The following UNC45A variants were observed in gnomAD, a reference collection of about 807,000 sequenced individuals.
UNC45A encodes the protein protein unc-45 homolog A.
UNC45A carries 78 observed loss-of-function variants against 103.2 expected under a neutral mutation model. The observed-to-expected ratio is 0.76, with a 90% CI of 0.63 to 0.91. The LOEUF (loss-of-function observed/expected upper bound fraction) is 0.91, where lower values mean the gene tolerates loss of function less well. UNC45A is among the 40% of genes least tolerant of loss of function. The pLI is 0.00. For synonymous variants in UNC45A, 495 were observed against 504.6 expected (o/e 0.98, Z 0.25); for missense variants, 1,193 against 1,224.8 (o/e 0.97, Z 0.39).
At chr15:90,932,778 A>C, upstream of UNC45A, 1 of 388,818 alleles carries the variant, frequency 2.6e-6, no homozygotes, top group Non-Finnish European at 4.5e-6. Flanking sequence ...CAAGAAGAAC[A>C]TAAGCCTGGC....
At chr15:90,934,802 A>G (rs947731176), upstream of UNC45A, 3 of 402,976 alleles carry the variant, frequency 7.4e-6, no homozygotes, top group African/African-American at 2.1e-5. Flanking sequence ...TTCGTATGCA[A>G]ATGTGTGTAT....
At chr15:90,931,437 T>G, upstream of UNC45A, 1 of 1,611,012 alleles carries the variant, frequency 6.2e-7, no homozygotes, top group Non-Finnish European at 8.5e-7. Context: ...CTTGCTAGCG[T>G]GATGTCAAGG....
intron 8 of UNC45A, 156 bp downstream of exon 8, chr15:90,943,238 G>T: frequency 1.1e-6 from 1 of 937,884 alleles, no homozygotes; most frequent in Non-Finnish European, 1.5e-6. Flanking sequence ...ATCAGCCTGG[G>T]CAACATAGCG....
Position 90,948,177 on chromosome 15 carries a change from G to C in UNC45A, c.1631G>C (p.Arg544Pro). 1 of 1,614,146 alleles carries C rather than the reference G, an allele frequency of 6.2e-7. No individual in the cohort carries two copies. Among genetic ancestry groups the C allele is most frequent in the Non-Finnish European group, 8.5e-7 (1 of 1,180,044 alleles). Residue 544 changes from arginine (R) to proline (P), a missense_variant, in exon 12 of 20, where the codon CGG becomes CCG. By Grantham distance (103) the Arg-to-Pro change is moderately radical. Coordinates refer to ENST00000418476, the MANE Select transcript of UNC45A (RefSeq NM_018671.5). ...AATGACCAGATCGACGCAGGCACTC[G>C]GCGCTGGGCAGTGGAGGGCCTGGCT... The part of the protein sequence containing the change: ...LCNDQIDAGT[R>P]RWAVEGLAYL...
At chr15:90,948,384 A>G (rs2036693711) in intron 12 of UNC45A, 101 bp downstream of exon 12, 3 of 1,533,760 alleles carry the variant, frequency 2.0e-6, no homozygotes, top group African/African-American at 1.4e-5. Flanking sequence ...TTTTGACCCC[A>G]GGGAAGAGGG....
At chr15:90,943,315 G>C (rs1027831511) in intron 8 of UNC45A, among the ~76,000 whole-genome samples, 1 of 151,322 alleles carries the variant, frequency 6.6e-6, no homozygotes, top group Non-Finnish European at 1.5e-5. Context: ...GGCAGTCCTA[G>C]CTACTCCAGA....
intron 10 of UNC45A, 173 bp downstream of exon 10, chr15:90,947,087 G>A (rs2036614652): frequency 1.4e-5 from 10 of 720,236 alleles, no homozygotes; most frequent in Non-Finnish European, 1.1e-5. Flanking sequence ...TACTTGGGAG[G>A]CTGAGGCAGG....
chr15:90,944,453 C>T (rs143783154), intron 8 of UNC45A, among the ~76,000 whole-genome samples: 56 of 152,012 alleles, frequency 3.7e-4, no homozygotes, highest in Middle Eastern at 3.4e-3. Flanking sequence ...TCACAATGGT[C>T]CTATGAGGTG....
In UNC45A at chr15:90,953,959, C is replaced by G; in HGVS notation, c.*243C>G. ...CCTTTTTCTGTACTACTGTAGTCAG[C>G]TGGGAATGGGGAAGGTGCATCCCAA... is the stretch of plus-strand genomic sequence containing the variant. On this transcript the variant is annotated 3_prime_UTR_variant, in exon 20 of 20. Coordinates refer to ENST00000418476, the MANE Select transcript of UNC45A (RefSeq NM_018671.5). The G allele has an allele frequency of 1.8e-6, 1 of 567,290 alleles. No homozygotes were observed. Among genetic ancestry groups the G allele is most frequent in the Non-Finnish European group, 3.1e-6 (1 of 321,478 alleles). The allele number at this position is 567,290 out of a possible 1,614,324, so 35.1% of individuals were successfully genotyped here.
In UNC45A at chr15:90,940,338, G is replaced by T; in HGVS notation, c.552G>T (p.Glu184Asp). 1 of 1,614,090 alleles carries T rather than the reference G, an allele frequency of 6.2e-7. No homozygotes were observed. The highest frequency in any genetic ancestry group is 8.5e-7 in the Non-Finnish European group (1 of 1,179,974). ...AGAACCTGGTGGTGCTGGCCAGGGA[G>T]GATGCTGGAGCGGAGAAGATCTTCC... is the stretch of plus-strand genomic sequence containing the variant. ...ASQNLVVLAR[E>D]DAGAEKIFRS... Residue 184 changes from glutamate (E) to aspartate (D), a missense_variant, in exon 6 of 20, where the codon GAG becomes GAT. By Grantham distance (45) the Glu-to-Asp change is conservative. Transcript: ENST00000418476.
chr15:90,932,230 C>A, upstream of UNC45A: 1 of 1,140,632 alleles, frequency 8.8e-7, no homozygotes, highest in South Asian at 1.6e-5. Flanking sequence ...TGACCTTGGT[C>A]AAGTACCTTA....
upstream of UNC45A, chr15:90,931,457 C>T: frequency 1.2e-6 from 2 of 1,613,748 alleles, no homozygotes; most frequent in Admixed American, 1.7e-5. Flanking sequence ...GAAAGCACTG[C>T]CTTTTCCCCA....
chr15:90,937,275 T>G (rs913010819), intron 4 of UNC45A, among the ~76,000 whole-genome samples: 1 of 152,072 alleles, frequency 6.6e-6, no homozygotes, highest in South Asian at 2.1e-4. Context: ...GAGCCCTGGA[T>G]TTTGCAGTTA....
At chr15:90,935,208 C>A, upstream of UNC45A, 1 of 1,102,600 alleles carries the variant, frequency 9.1e-7, no homozygotes, top group Middle Eastern at 2.5e-4. Context: ...CCCTGCCCCT[C>A]TCTGACCCCA....
rs569060399 is a variant in UNC45A, at chr15:90,953,876, A to G, written c.*160A>G. On this transcript the variant is annotated 3_prime_UTR_variant, in exon 20 of 20. Coordinates refer to ENST00000418476, the MANE Select transcript of UNC45A (RefSeq NM_018671.5). ...TGTCCTCTGTTCTGAGTCAGCGGCC[A>G]CGTTCAGTCACACAGCCCTGCTTGG... 2.1e-4 allele frequency: 221 copies of G among 1,047,868 alleles called. No individual in the cohort carries two copies. The highest frequency in any genetic ancestry group is 1.7e-4 in the Non-Finnish European group (127 of 734,366). 64.9% of individuals were successfully genotyped at this position (1,047,868 alleles called of 1,614,324 possible).
chr15:90,950,655 G>A (rs759946463), intron 17 of UNC45A, 40 bp downstream of exon 17: 8 of 1,594,022 alleles, frequency 5.0e-6, no homozygotes, highest in South Asian at 1.1e-5. Flanking sequence ...ACCAGGCATC[G>A]GGATTCGGAA....
chr15:90,937,356 G>C (rs1444198983), intron 4 of UNC45A, among the ~76,000 whole-genome samples: 2 of 151,544 alleles, frequency 1.3e-5, no homozygotes, highest in Non-Finnish European at 2.9e-5. Flanking sequence ...TTTCAAAAAA[G>C]AAAAGAAGAA....
At chr15:90,951,897 A>G (rs1485279727) in intron 17 of UNC45A, among the ~76,000 whole-genome samples, 1 of 152,180 alleles carries the variant, frequency 6.6e-6, no homozygotes, top group Non-Finnish European at 1.5e-5. Flanking sequence ...ACTCCAGCCT[A>G]GGTGACAGAG....
intron 18 of UNC45A, 27 bp downstream of exon 18, chr15:90,953,073 C>G: frequency 6.2e-7 from 1 of 1,613,432 alleles, no homozygotes; most frequent in South Asian, 1.1e-5. Context: ...GTGCTCATGA[C>G]AGGCGGGGAT....
Sources: gnomAD v4.1 joint callset for allele counts (sites outside exome capture counted in the v4.1 genomes callset) on GRCh38, gnomAD v4.1.1 for gene constraint, MANE v1.5 for transcripts, NCBI Gene and HGNC (gene_info 2026-07-23, HGNC 2026-07-21) for gene names.